Variants in HDGFL2 observed in about 807,000 individuals in gnomAD.
The protein encoded by HDGFL2 is hepatoma-derived growth factor-related protein 2.
In HDGFL2, 36 loss-of-function variants were observed where a neutral mutation model predicts 77.1. The ratio of observed to expected loss-of-function variants is 0.47; its 90% confidence interval spans 0.36 to 0.62. The LOEUF is 0.62. Ranked by LOEUF, HDGFL2 falls within the 20% of genes least tolerant of loss-of-function variation. The pLI, the probability that HDGFL2 is intolerant of heterozygous loss-of-function variation, is 0.00. For synonymous variants in HDGFL2, 463 were observed against 413.1 expected (o/e 1.12, Z -1.46); for missense variants, 976 against 973.4 (o/e 1.00, Z -0.04).
chr19:4,500,953 C>T (rs1044165729), intron 14 of HDGFL2, among the ~76,000 whole-genome samples: 3 of 152,170 alleles, frequency 2.0e-5, no homozygotes, highest in Admixed American at 6.5e-5. Context: ...GGGCTGCCCA[C>T]GTTCCCTCAT....
At chr19:4,492,689 T>C (rs866253255) in intron 6 of HDGFL2, among the ~76,000 whole-genome samples, 1 of 148,098 alleles carries the variant, frequency 6.8e-6, no homozygotes, top group Middle Eastern at 3.4e-3. Context: ...TTGTCTGTGG[T>C]GTGTGGTATG....
intron 3 of HDGFL2, among the ~76,000 whole-genome samples, chr19:4,488,337 C>G (rs1357912920): frequency 6.6e-6 from 1 of 152,216 alleles, no homozygotes; most frequent in African/African-American, 2.4e-5. Flanking sequence ...CCTCCCACTT[C>G]CATGCTTTCC....
intron 3 of HDGFL2, among the ~76,000 whole-genome samples, chr19:4,476,715 TAGTC>T (rs1472060770): frequency 6.7e-5 from 10 of 149,794 alleles, no homozygotes; most frequent in African/African-American, 2.2e-4. Flanking sequence ...TGTCTGGAAA[TAGTC>T]AGGGAAAGGA....
chr19:4,496,239 G>C (rs1032827369), intron 9 of HDGFL2, 63 bp from the exon 10 acceptor site: 4 of 1,346,596 alleles, frequency 3.0e-6, no homozygotes, highest in Non-Finnish European at 4.3e-6. Context: ...TAGTGGGATG[G>C]GCTAGGGGTC....
intron 5 of HDGFL2, 41 bp downstream of exon 5, chr19:4,491,723 G>A: frequency 6.2e-7 from 1 of 1,612,402 alleles, no homozygotes; most frequent in Non-Finnish European, 8.5e-7. Context: ...AAGCGTGGTG[G>A]CTGCCAGTGG....
chr19:4,499,635 AAGCTGGCCGGGGAGG>A lies in HDGFL2; in HGVS notation c.1738_1752del (p.Leu580_Glu584del), dbSNP rs34068770. 1.5e-4 allele frequency: 232 copies of A among 1,589,862 alleles called. No homozygotes were observed. Among genetic ancestry groups the A allele is most frequent in the African/African-American group, 2.1e-4 (16 of 74,454 alleles). On this transcript the variant is annotated inframe_deletion, in exon 14 of 16. Transcript: ENST00000616600. ...GATGGAGAAGGAGAAGGCCGAGGAG[AAGCTGGCCGGGGAGG>A]AGCTGGCCGGGGAGGAGGCCCCCCA... is the stretch of plus-strand genomic sequence containing the variant.
chr19:4,492,972 G>A (rs942646730), intron 6 of HDGFL2, among the ~76,000 whole-genome samples: 1 of 136,440 alleles, frequency 7.3e-6, no homozygotes, highest in African/African-American at 2.9e-5. Flanking sequence ...TGTCTGTGGT[G>A]TGTGGTGTCT....
At chr19:4,493,282 CTGTGTGTGGTG>C (rs371483352) in intron 6 of HDGFL2, among the ~76,000 whole-genome samples, 2,639 of 118,486 alleles carry the variant, frequency 0.022, 33 homozygotes, top group South Asian at 0.03. Context: ...TGTGTGTTGT[CTGTGTGTGGTG>C]TGTGTGTGGT....
chr19:4,499,015 C>CGG (rs1975783376), intron 13 of HDGFL2, 100 bp downstream of exon 13: 1 of 824,000 alleles, frequency 1.2e-6, no homozygotes, highest in East Asian at 2.8e-5. Context: ...GTCGGGACAG[C>CGG]CCTGGGTCAG....
chr19:4,497,932 C>T lies in HDGFL2; in HGVS notation c.1329-26C>T, dbSNP rs191832204. ...GTGGCAGAGTGCCGGTGACGGGGCC[C>T]GACTGAGGGGAGCACTTCTCCACAG... On this transcript the variant is annotated intron_variant, in intron 10 of 15. Coordinates refer to ENST00000616600, the MANE Select transcript of HDGFL2 (RefSeq NM_001001520.3). The T allele has an allele frequency of 6.7e-4, 1,044 of 1,548,034 alleles. 5 individuals are homozygous for T. In the African/African-American group the frequency reaches 0.013, roughly 19 times the overall value.
rs917215038 is a variant in HDGFL2, at chr19:4,502,032, C to T, written c.*22C>T. The stretch of plus-strand genomic sequence containing the variant: ...CTGAGCCGCGGGCAGCCAGGCCCAG[C>T]CCCCGCCCGAGCTCAGGCTGCCCCT... On this transcript the variant is annotated 3_prime_UTR_variant, in exon 16 of 16. Transcript: ENST00000616600. 1.3e-6 allele frequency: 2 copies of T among 1,505,786 alleles called. No homozygotes were observed. The highest frequency in any genetic ancestry group is 2.4e-5 in the South Asian group (2 of 82,272). The allele number at this position is 1,505,786 out of a possible 1,614,324, so 93.3% of individuals were successfully genotyped here.
intron 6 of HDGFL2, among the ~76,000 whole-genome samples, chr19:4,492,319 TCGTGTGTGC>T (rs971108312): frequency 3.4e-5 from 5 of 146,000 alleles, no homozygotes; most frequent in African/African-American, 1.3e-4. Flanking sequence ...GATGTGTGTG[TCGTGTGTGC>T]ACATGTCGTG....
rs772875166 is a variant in HDGFL2 at position 4,498,380 on chromosome 19, A to G, written c.1473+4A>G. The stretch of plus-strand genomic sequence containing the variant: ...TGCCCTAAAGGTCGACAGCCCGGTA[A>G]GACCCTCAGGGCCTGTGAGCCAAGC... On this transcript the variant is annotated splice_donor_region_variant and intron_variant, in intron 12 of 15. Coordinates refer to ENST00000616600, the MANE Select transcript of HDGFL2 (RefSeq NM_001001520.3). The G allele has an allele frequency of 9.9e-6, 16 of 1,611,402 alleles. No homozygotes were observed. The highest frequency in any genetic ancestry group is 5.0e-5 in the Admixed American group (3 of 60,000).
Position 4,498,881 on chromosome 19 carries a change from A to G in HDGFL2, c.1541A>G (p.Gln514Arg), listed in dbSNP as rs1975779342. 1.2e-6 allele frequency: 2 copies of G among 1,611,778 alleles called. No homozygotes were observed. Among genetic ancestry groups the G allele is most frequent in the African/African-American group, 2.7e-5 (2 of 74,878 alleles). ...GTLQVTSQIL[Q>R]KNTDVVATLK... ...CTGCAGGTGACCTCTCAGATCCTCCAGAAGAACACAGACGTGGTGGCCACC... is the reference window on the plus strand; with the variant it reads ...CTGCAGGTGACCTCTCAGATCCTCCGGAAGAACACAGACGTGGTGGCCACC... Residue 514 changes from glutamine to arginine, a missense_variant, in exon 13 of 16, where the codon CAG becomes CGG. Gln to Arg is a conservative substitution (Grantham distance 43, BLOSUM62 1). Transcript: ENST00000616600.
intron 3 of HDGFL2, among the ~76,000 whole-genome samples, chr19:4,475,924 C>G (rs1309889278): frequency 6.7e-6 from 1 of 149,144 alleles, no homozygotes; most frequent in Non-Finnish European, 1.5e-5. Flanking sequence ...GAGTCTCGCT[C>G]TGTTGTCCAG....
At chr19:4,500,961 C>T (rs1006342379) in intron 14 of HDGFL2, among the ~76,000 whole-genome samples, 1 of 152,214 alleles carries the variant, frequency 6.6e-6, no homozygotes, top group Non-Finnish European at 1.5e-5. Flanking sequence ...CACGTTCCCT[C>T]ATTTCTTGGG....
At position 4,488,665 on chromosome 19, in the gene HDGFL2, G is replaced by A. The variant is rs757523893; in HGVS notation, c.289-11G>A. 39 of 1,538,622 alleles carry A rather than the reference G, an allele frequency of 2.5e-5. No individual in the cohort carries two copies. The highest frequency in any genetic ancestry group is 2.1e-4 in the African/African-American group (15 of 72,986). On this transcript the variant is annotated splice_polypyrimidine_tract_variant and intron_variant, in intron 3 of 15. Transcript: ENST00000616600. Reference sequence around the variant, plus strand: ...GGTGGTGACGCGCGTTCTCTGCCCCGACTCCCACAGCCAGTGAGCTCCTCC... The same window carrying A: ...GGTGGTGACGCGCGTTCTCTGCCCCAACTCCCACAGCCAGTGAGCTCCTCC...
chr19:4,486,263 C>G (rs1033054023), intron 3 of HDGFL2: 22 of 151,990 alleles, frequency 1.4e-4, no homozygotes, highest in African/African-American at 5.3e-4. Flanking sequence ...TTGTCTGTCT[C>G]CCCGGTAGAC....
Position 4,501,193 on chromosome 19 carries a change from C to G in HDGFL2, c.1792C>G (p.Leu598Val). 6.2e-7 allele frequency: 1 copy of G among 1,613,324 alleles called. No homozygotes were observed. The highest frequency in any genetic ancestry group is 8.5e-7 in the Non-Finnish European group (1 of 1,179,892). Residue 598 changes from leucine (L) to valine (V), a missense_variant and splice_region_variant, in exon 15 of 16, where the codon CTC becomes GTC. Physicochemically the swap from Leu to Val is conservative, Grantham distance 32. Around this residue, in one of 5 missense-constraint regions of HDGFL2, gnomAD observed 229 missense variants for 187.3 expected, o/e 1.22. Transcript: ENST00000616600. ...TGTGACCCCTCTGTCCCACCCAGAT[C>G]TCTCAGCCCCAGTGAATGGCGAGGC... is the stretch of plus-strand genomic sequence containing the variant. ...EKAEDKPSTD[L>V]SAPVNGEATS...
Sources: gnomAD v4.1 joint callset for allele counts (sites outside exome capture counted in the v4.1 genomes callset) on GRCh38, gnomAD v4.1.1 for gene constraint, gnomAD v4.1.1 regional missense constraint, MANE v1.5 for transcripts, NCBI Gene and HGNC (gene_info 2026-07-23, HGNC 2026-07-21) for gene names.